Variants in MCC observed in about 807,000 individuals in gnomAD.
MCC encodes colorectal mutant cancer protein.
In MCC, 90 loss-of-function variants were observed where a neutral mutation model predicts 116.2. The ratio of observed to expected loss-of-function variants is 0.77; its 90% CI spans 0.65 to 0.92. The LOEUF (loss-of-function observed/expected upper bound fraction) is 0.92. MCC is among the 40% of genes least tolerant of loss of function. The pLI is 0.00. For synonymous variants in MCC, 578 were observed against 510.5 expected (o/e 1.13, Z -1.78); for missense variants, 1,516 against 1,312.2 (o/e 1.16, Z -2.40).
intron 3 of MCC, among the ~76,000 whole-genome samples, chr5:113,233,434 A>C (rs1486978726): frequency 1.3e-5 from 2 of 152,220 alleles, no homozygotes; most frequent in Non-Finnish European, 2.9e-5. Context: ...CAAGGTATTC[A>C]TACTACCTGC....
intron 2 of MCC, among the ~76,000 whole-genome samples, chr5:113,383,253 C>T (rs1468183864): frequency 6.6e-6 from 1 of 152,098 alleles, no homozygotes; most frequent in Non-Finnish European, 1.5e-5. Context: ...GTACTTAACA[C>T]TTCAACTATG....
intron 3 of MCC, among the ~76,000 whole-genome samples, chr5:113,174,820 C>A (rs1287335387): frequency 6.6e-6 from 1 of 152,056 alleles, no homozygotes; most frequent in Admixed American, 6.6e-5. Flanking sequence ...AACTCCTGGG[C>A]TCAGACGATC....
Position 113,104,332 on chromosome 5 carries a change from C to G in MCC, c.1051G>C (p.Glu351Gln). 6.2e-7 allele frequency: 1 copy of G among 1,613,068 alleles called. No individual in the cohort carries two copies. The highest frequency in any genetic ancestry group is 2.2e-5 in the East Asian group (1 of 44,872). Reference protein sequence around the residue: ...DMDNCSDLNSELQRVLTGLEN... With the variant: ...DMDNCSDLNSQLQRVLTGLEN... Reference sequence around the variant, plus strand: ...AGCCCTGTCAGCACCCTCTGCAGTTCTGAGTTCAGGTCACTGCAGTTGTCT... The same window carrying G: ...AGCCCTGTCAGCACCCTCTGCAGTTGTGAGTTCAGGTCACTGCAGTTGTCT... The change falls in exon 7 of 19, where the codon GAA (glutamate) becomes CAA (glutamine). Residue 351 changes from glutamate (E) to glutamine (Q), a missense_variant. Coordinates refer to ENST00000408903, the MANE Select transcript of MCC (RefSeq NM_001085377.2).
At chr5:113,327,561 A>AAAAAAATATATATATATATATAT (rs1480996383) in intron 3 of MCC, among the ~76,000 whole-genome samples, 1 of 80,578 alleles carries the variant, frequency 1.2e-5, no homozygotes, top group African/African-American at 5.0e-5. Context: ...AAAAAAAAAA[A>AAAAAAATATATATATATATATAT]ATATATATAT....
chr5:113,396,975 A>C (rs1278088413), intron 1 of MCC, among the ~76,000 whole-genome samples: 1 of 152,222 alleles, frequency 6.6e-6, no homozygotes, highest in African/African-American at 2.4e-5. Flanking sequence ...TTAGGGGCAT[A>C]AAAATTATAT....
At chr5:113,410,353 G>T (rs1460283719) in intron 1 of MCC, among the ~76,000 whole-genome samples, 2 of 152,130 alleles carry the variant, frequency 1.3e-5, no homozygotes, top group Non-Finnish European at 2.9e-5. Context: ...AACATAATAT[G>T]ATTTTAAAAT....
intron 3 of MCC, among the ~76,000 whole-genome samples, chr5:113,253,207 G>A (rs1764866342): frequency 6.6e-6 from 1 of 152,164 alleles, no homozygotes; most frequent in African/African-American, 2.4e-5. Flanking sequence ...GGCAAGAATG[G>A]AGGTGGAAGT....
rs770252475 is a variant in MCC at position 113,050,012 on chromosome 5, G to T, written c.2449-713C>A. On this transcript the variant is annotated intron_variant, in intron 15 of 18. Transcript: ENST00000408903. ...TAGGACAGTGCCATCCTGGGACCAG[G>T]AGCCAGTAACAATGACAGCCAGTAG... 2.0e-5 allele frequency among the ~76,000 whole-genome samples: 3 copies of T among 152,212 alleles called. 1 individual carries two copies. Among genetic ancestry groups the T allele is most frequent in the Non-Finnish European group, 2.9e-5 (2 of 68,040 alleles).
At chr5:113,245,170 T>C (rs895348285) in intron 3 of MCC, among the ~76,000 whole-genome samples, 1 of 151,346 alleles carries the variant, frequency 6.6e-6, no homozygotes, top group Admixed American at 6.6e-5. Context: ...GTGCCTGTAA[T>C]CCCAGCTATT....
At position 113,179,468 on chromosome 5, in the gene MCC, G is replaced by A. The variant is rs572255438; in HGVS notation, c.628-28046C>T. Among the ~76,000 whole-genome samples the A allele has an allele frequency of 5.9e-5, 9 of 152,300 alleles. No individual in the cohort carries two copies. The South Asian group carries it at 1.9e-3, about 32-fold the overall frequency. ...GACTGGCTCTGCTTTCCTCATAGAGGGAATGCAAAGGAAATTCTTCCCAAA... is the reference window on the plus strand; with the variant it reads ...GACTGGCTCTGCTTTCCTCATAGAGAGAATGCAAAGGAAATTCTTCCCAAA... On this transcript the variant is annotated intron_variant, in intron 3 of 18. Coordinates refer to ENST00000408903, the MANE Select transcript of MCC (RefSeq NM_001085377.2).
chr5:113,201,038 A>G (rs191265859), intron 3 of MCC, among the ~76,000 whole-genome samples: 3 of 152,238 alleles, frequency 2.0e-5, no homozygotes, highest in East Asian at 1.9e-4. Context: ...CCCCTTACAC[A>G]GGGGGAAAAA....
chr5:113,037,876 G>A (rs1460182079), intron 17 of MCC, among the ~76,000 whole-genome samples: 2 of 152,254 alleles, frequency 1.3e-5, no homozygotes, highest in African/African-American at 2.4e-5. Context: ...TCAAGCATGG[G>A]GAAACATTTG....
chr5:113,128,634 A>G (rs1339006015), intron 5 of MCC, among the ~76,000 whole-genome samples: 1 of 152,230 alleles, frequency 6.6e-6, no homozygotes, highest in Non-Finnish European at 1.5e-5. Flanking sequence ...TCTCCTATGA[A>G]TATAACAATC....
At position 113,316,943 on chromosome 5, in the gene MCC, T is replaced by C. The variant is rs115250258; in HGVS notation, c.627+23576A>G. Reference sequence around the variant, plus strand: ...CACTGAAACAGATGCAAAAGTATGGTGAAAAATGTCTACTTGGACAAAGCT... The same window carrying C: ...CACTGAAACAGATGCAAAAGTATGGCGAAAAATGTCTACTTGGACAAAGCT... On this transcript the variant is annotated intron_variant, in intron 3 of 18. Coordinates refer to ENST00000408903, the MANE Select transcript of MCC (RefSeq NM_001085377.2). Among the ~76,000 whole-genome samples, 1,076 of 152,286 alleles carry C rather than the reference T, an allele frequency of 7.1e-3. 12 individuals are homozygous for C. The highest frequency in any genetic ancestry group is 0.011 in the Non-Finnish European group (740 of 68,020).
intron 3 of MCC, among the ~76,000 whole-genome samples, chr5:113,199,383 A>G (rs1762577830): frequency 6.6e-6 from 1 of 152,168 alleles, no homozygotes; most frequent in Non-Finnish European, 1.5e-5. Flanking sequence ...CTAAATTGCC[A>G]AATCTAAAAA....
chr5:113,200,904 T>A (rs1762643770), intron 3 of MCC, among the ~76,000 whole-genome samples: 1 of 152,222 alleles, frequency 6.6e-6, no homozygotes, highest in African/African-American at 2.4e-5. Flanking sequence ...TCAATGCATT[T>A]GGCTTTTCTT....
At chr5:113,104,999 G>C (rs772499240) in intron 6 of MCC, among the ~76,000 whole-genome samples, 1 of 152,178 alleles carries the variant, frequency 6.6e-6, no homozygotes, top group Non-Finnish European at 1.5e-5. Context: ...GGGTTGCTTT[G>C]AACCGCTGGA....
chr5:113,097,101 G>A (rs991883527), intron 8 of MCC, among the ~76,000 whole-genome samples: 4 of 151,962 alleles, frequency 2.6e-5, no homozygotes, highest in Non-Finnish European at 5.9e-5. Flanking sequence ...AATAAGAAAT[G>A]AACAAAGTTC....
chr5:113,471,529 G>A (rs1193872618), intron 1 of MCC, among the ~76,000 whole-genome samples: 3 of 152,032 alleles, frequency 2.0e-5, no homozygotes, highest in African/African-American at 7.2e-5. Context: ...CGTTCCTCTG[G>A]AAGTTTTGTC....
Sources: gnomAD v4.1 joint callset for allele counts (sites outside exome capture counted in the v4.1 genomes callset) on GRCh38, gnomAD v4.1.1 for gene constraint, MANE v1.5 for transcripts, NCBI Gene and HGNC (gene_info 2026-07-23, HGNC 2026-07-21) for gene names.